Variants in VPS50 observed in about 807,000 individuals in gnomAD.
VPS50 encodes the protein VPS50 subunit of EARP/GARPII complex.
VPS50 carries 70 observed loss-of-function variants against 139.7 expected under a neutral mutation model. That is an observed-to-expected ratio of 0.50 (90% CI 0.41 to 0.61). The LOEUF (loss-of-function observed/expected upper bound fraction) is 0.61. Ranked by LOEUF, VPS50 falls within the 20% of genes least tolerant of loss-of-function variation. The probability of loss-of-function intolerance (pLI) is 0.00; values close to 1 mark genes in which losing one functional copy is unlikely to be tolerated. For missense variants in VPS50, 921 were observed against 1,133.7 expected (o/e 0.81, Z 2.69); for synonymous variants, 365 against 376.7 (o/e 0.97, Z 0.36).
At chr7:93,287,289 C>G (rs1418154056) in intron 12 of VPS50, among the ~76,000 whole-genome samples, 1 of 151,868 alleles carries the variant, frequency 6.6e-6, no homozygotes, top group Non-Finnish European at 1.5e-5. Context: ...AGAAGAAAGC[C>G]TTGCTATAGC....
chr7:93,297,384 G>T, intron 16 of VPS50, 141 bp downstream of exon 16: 1 of 929,836 alleles, frequency 1.1e-6, no homozygotes, highest in South Asian at 3.7e-5. Flanking sequence ...AGATGGTTAA[G>T]GATTTTTTTA....
intron 1 of VPS50, among the ~76,000 whole-genome samples, chr7:93,234,726 A>G (rs962741760): frequency 1.3e-5 from 2 of 152,124 alleles, no homozygotes; most frequent in Non-Finnish European, 2.9e-5. Context: ...ATATGGAGAG[A>G]TAGGAAATTA....
chr7:93,266,293 G>A (rs913920547), intron 9 of VPS50, among the ~76,000 whole-genome samples: 1 of 152,184 alleles, frequency 6.6e-6, no homozygotes, highest in Non-Finnish European at 1.5e-5. Context: ...AGAGCTGGAA[G>A]CAACCCTTTC....
chr7:93,241,767 C>T (rs1794997983), intron 2 of VPS50, among the ~76,000 whole-genome samples: 1 of 152,034 alleles, frequency 6.6e-6, no homozygotes, highest in Non-Finnish European at 1.5e-5. Context: ...CCCTACACAG[C>T]ATAGCTTGAT....
rs775404430 is a variant in VPS50 at position 93,258,276 on chromosome 7, G to A, written c.540G>A (p.Leu180=). The A allele has an allele frequency of 6.5e-7, 1 of 1,542,634 alleles. No individual in the cohort carries two copies. Among genetic ancestry groups the A allele is most frequent in the Non-Finnish European group, 9.0e-7 (1 of 1,115,824 alleles). Residue 180 remains leucine (L), a splice_region_variant and synonymous_variant, in exon 7 of 28, where the codon TTG becomes TTA. Transcript: ENST00000305866. ...LLKSLRTIKT[L]QRTDVRLSEM... ...AATCTCTGAGAACTATAAAAACATT[G>A]GTATATATGGGTCATTTAAAAAAAT...
intron 12 of VPS50, among the ~76,000 whole-genome samples, chr7:93,276,639 T>C (rs1796163278): frequency 6.6e-6 from 1 of 152,220 alleles, no homozygotes; most frequent in South Asian, 2.1e-4. Flanking sequence ...GCTGGTTTTC[T>C]GTACAGATTT....
At chr7:93,336,004 C>A (rs536494082) in intron 22 of VPS50, among the ~76,000 whole-genome samples, 2 of 152,294 alleles carry the variant, frequency 1.3e-5, no homozygotes, top group Admixed American at 1.3e-4. Context: ...TGCTTGATCT[C>A]AGGATTTTTT....
chr7:93,306,358 C>G (rs966223646), intron 18 of VPS50, among the ~76,000 whole-genome samples: 1 of 151,756 alleles, frequency 6.6e-6, no homozygotes, highest in Admixed American at 6.6e-5. Context: ...TATCATCTAC[C>G]CTTTTTCTCG....
chr7:93,353,864 C>T (rs946413380), intron 26 of VPS50, 103 bp downstream of exon 26: 1 of 909,368 alleles, frequency 1.1e-6, no homozygotes, highest in Non-Finnish European at 1.7e-6. Flanking sequence ...GAAATAATAA[C>T]AACTAGCAGA....
chr7:93,257,949 G>A (rs1224536526), intron 6 of VPS50, among the ~76,000 whole-genome samples: 1 of 151,974 alleles, frequency 6.6e-6, no homozygotes, highest in Non-Finnish European at 1.5e-5. Context: ...TAGACCACTA[G>A]CAGGTTGTGA....
chr7:93,346,771 T>C (rs1192835842), intron 23 of VPS50, among the ~76,000 whole-genome samples: 1 of 137,208 alleles, frequency 7.3e-6, no homozygotes, highest in Non-Finnish European at 1.5e-5. Context: ...TGGCTAGCCA[T>C]ATGTAGAAAG....
intron 25 of VPS50, among the ~76,000 whole-genome samples, chr7:93,353,150 TATC>T (rs1418629186): frequency 2.0e-5 from 3 of 152,270 alleles, no homozygotes; most frequent in Non-Finnish European, 2.9e-5. Flanking sequence ...CCTCAACCCA[TATC>T]ATTATTTATT....
At chr7:93,317,480 G>A (rs1367450037) in intron 20 of VPS50, among the ~76,000 whole-genome samples, 2 of 152,026 alleles carry the variant, frequency 1.3e-5, no homozygotes, top group Non-Finnish European at 2.9e-5. Flanking sequence ...GGCAGAGGTT[G>A]CAGCAAGCCA....
In VPS50 at chr7:93,258,629, G is replaced by A. The variant is rs563288707; in HGVS notation, c.576+237G>A. On this transcript the variant is annotated intron_variant, in intron 8 of 27. Coordinates refer to ENST00000305866, the MANE Select transcript of VPS50 (RefSeq NM_017667.4). ...AAAACATTTATCTTCTGATAACATTGGAATGTTAACTTGTTTGTATTGCGT... is the reference window on the plus strand; with the variant it reads ...AAAACATTTATCTTCTGATAACATTAGAATGTTAACTTGTTTGTATTGCGT... Among the ~76,000 whole-genome samples the A allele has an allele frequency of 1.8e-4, 27 of 152,046 alleles. No individual in the cohort carries two copies. The South Asian group carries it at 4.8e-3, about 27-fold the overall frequency.
intron 25 of VPS50, among the ~76,000 whole-genome samples, chr7:93,352,797 A>G (rs1420409438): frequency 3.3e-5 from 5 of 152,114 alleles, no homozygotes. Context: ...ATGTCATAAA[A>G]GACAATAAAA....
intron 25 of VPS50, among the ~76,000 whole-genome samples, chr7:93,351,136 T>A (rs2117086671): frequency 6.6e-6 from 1 of 152,288 alleles, no homozygotes; most frequent in Admixed American, 6.5e-5. Context: ...ACTCCGGGAC[T>A]AATTGTGCCA....
chr7:93,264,677 C>T (rs765361659), intron 9 of VPS50, among the ~76,000 whole-genome samples: 2 of 152,124 alleles, frequency 1.3e-5, no homozygotes, highest in Non-Finnish European at 2.9e-5. Context: ...AATGTCTTTA[C>T]GTCATATGGC....
At chr7:93,255,929 A>G (rs1795471062) in intron 4 of VPS50, among the ~76,000 whole-genome samples, 1 of 152,208 alleles carries the variant, frequency 6.6e-6, no homozygotes, top group Non-Finnish European at 1.5e-5. Flanking sequence ...TTAGAGCCTC[A>G]TGTTCAAAAA....
intron 2 of VPS50, chr7:93,246,064 T>A: frequency 7.3e-7 from 1 of 1,373,628 alleles, no homozygotes; most frequent in Non-Finnish European, 9.9e-7. Context: ...CTGTTTAGAT[T>A]TTGGTCACTA....
Sources: gnomAD v4.1 joint callset for allele counts (sites outside exome capture counted in the v4.1 genomes callset) on GRCh38, gnomAD v4.1.1 for gene constraint, MANE v1.5 for transcripts, NCBI Gene and HGNC (gene_info 2026-07-23, HGNC 2026-07-21) for gene names.